Variants in SLC8A1 observed in about 807,000 individuals in gnomAD.
SLC8A1 encodes sodium/calcium exchanger 1.
Under a neutral mutation model 68.3 loss-of-function variants are expected in SLC8A1, and 18 were observed. The observed-to-expected ratio is 0.26, with a 90% CI of 0.18 to 0.39. The LOEUF is 0.39. Among genes scored for constraint, SLC8A1 ranks in the 10% least tolerant of loss-of-function variants. The probability of loss-of-function intolerance (pLI) is 1.00; values close to 1 mark genes in which losing one functional copy is unlikely to be tolerated. For synonymous variants in SLC8A1, 475 were observed against 415.5 expected (o/e 1.14, Z -1.74); for missense variants, 985 against 1,156.7 (o/e 0.85, Z 2.15).
At position 40,157,363 on chromosome 2, in the gene SLC8A1, C is replaced by T. The variant is rs1164836594; in HGVS notation, c.2161+3402G>A. ...AACTGAGATCTTGAGGTGTAGTAAT[C>T]TTCCTGGAGTCATCCAGGGAGGTTT... On this transcript the variant is annotated intron_variant, in intron 6 of 7. Coordinates refer to ENST00000406785, the Ensembl canonical transcript of SLC8A1. Among the ~76,000 whole-genome samples, 4 of 152,070 alleles carry T rather than the reference C, an allele frequency of 2.6e-5. No individual in the cohort carries two copies. The East Asian group carries it at 7.7e-4, about 29-fold the overall frequency.
intron 1 of SLC8A1, among the ~76,000 whole-genome samples, chr2:40,449,937 C>T (rs1027098010): frequency 6.6e-6 from 1 of 152,150 alleles, no homozygotes; most frequent in Non-Finnish European, 1.5e-5. Context: ...AAAATCAGGG[C>T]TTCTTTTATA....
intron 6 of SLC8A1, among the ~76,000 whole-genome samples, chr2:40,142,792 C>T (rs900351636): frequency 1.3e-5 from 2 of 152,092 alleles, no homozygotes; most frequent in African/African-American, 4.8e-5. Flanking sequence ...ATCATTATTT[C>T]CCTCCATTTA....
chr2:40,306,682 T>A (rs973505594), intron 2 of SLC8A1, among the ~76,000 whole-genome samples: 1 of 152,162 alleles, frequency 6.6e-6, no homozygotes, highest in African/African-American at 2.4e-5. Flanking sequence ...GCAAATCTTT[T>A]CGTTTGGAAC....
At chr2:40,501,007 G>A (rs1453736086) in intron 1 of SLC8A1, among the ~76,000 whole-genome samples, 4 of 151,554 alleles carry the variant, frequency 2.6e-5, no homozygotes, top group East Asian at 1.9e-4. Context: ...TGTAATGTTC[G>A]AAAAACTCTC....
intron 1 of SLC8A1, among the ~76,000 whole-genome samples, chr2:40,468,077 C>A (rs1223427597): frequency 6.6e-6 from 1 of 151,996 alleles, no homozygotes; most frequent in Non-Finnish European, 1.5e-5. Flanking sequence ...TGTGTTTAAT[C>A]TTTTGGTTTC....
intron 2 of SLC8A1, among the ~76,000 whole-genome samples, chr2:40,403,054 G>A (rs1223678025): frequency 3.9e-5 from 6 of 152,104 alleles, no homozygotes; most frequent in Non-Finnish European, 7.3e-5. Context: ...AAATGTATAA[G>A]ATGTAGGCTA....
chr2:40,431,735 C>T (rs1698353767), intron 1 of SLC8A1, among the ~76,000 whole-genome samples: 1 of 152,146 alleles, frequency 6.6e-6, no homozygotes, highest in Non-Finnish European at 1.5e-5. Context: ...AACTGGATTA[C>T]AGGCTTTCAT....
At chr2:40,499,229 G>C (rs1705899401) in intron 1 of SLC8A1, among the ~76,000 whole-genome samples, 1 of 152,038 alleles carries the variant, frequency 6.6e-6, no homozygotes, top group African/African-American at 2.4e-5. Context: ...GCTCACAGTG[G>C]AGTAGAGGAT....
chr2:40,312,366 C>T (rs549202806), intron 2 of SLC8A1, among the ~76,000 whole-genome samples: 2 of 152,188 alleles, frequency 1.3e-5, no homozygotes, highest in South Asian at 4.1e-4. Flanking sequence ...CTATTTTCAT[C>T]ATAGGTTATA....
intron 7 of SLC8A1, chr2:40,116,776 G>A (rs1450318574): frequency 6.6e-6 from 1 of 152,180 alleles, no homozygotes; most frequent in African/African-American, 2.4e-5. Context: ...CATTTTCAAA[G>A]CCCTTTATTT....
chr2:40,263,546 C>T (rs987688175), intron 2 of SLC8A1, among the ~76,000 whole-genome samples: 7 of 151,948 alleles, frequency 4.6e-5, no homozygotes, highest in African/African-American at 1.7e-4. Flanking sequence ...AGAAATAATG[C>T]CACAGATCTA....
intron 2 of SLC8A1, among the ~76,000 whole-genome samples, chr2:40,214,745 T>G (rs1245071162): frequency 6.6e-6 from 1 of 152,054 alleles, no homozygotes; most frequent in Non-Finnish European, 1.5e-5. Context: ...GCCTGTTTGT[T>G]TGTATATTAT....
At chr2:40,344,417 C>T (rs1668629175) in intron 2 of SLC8A1, among the ~76,000 whole-genome samples, 1 of 152,136 alleles carries the variant, frequency 6.6e-6, no homozygotes, top group South Asian at 2.1e-4. Flanking sequence ...CCAACCCACT[C>T]ACTGTCCGTA....
At chr2:40,155,198 C>G (rs2044243832) in intron 6 of SLC8A1, among the ~76,000 whole-genome samples, 1 of 152,012 alleles carries the variant, frequency 6.6e-6, no homozygotes, top group Non-Finnish European at 1.5e-5. Context: ...GGTAAGATCT[C>G]TGCTCACTGC....
chr2:40,437,171 A>G (rs1306645111), intron 1 of SLC8A1, among the ~76,000 whole-genome samples: 3 of 152,198 alleles, frequency 2.0e-5, no homozygotes, highest in East Asian at 3.9e-4. Context: ...ATTTTGCATT[A>G]AACTATAACG....
At chr2:40,185,354 G>GA (rs2050511113) in intron 2 of SLC8A1, among the ~76,000 whole-genome samples, 1 of 152,178 alleles carries the variant, frequency 6.6e-6, no homozygotes, top group Non-Finnish European at 1.5e-5. Flanking sequence ...TTCATCGGCT[G>GA]ATAAATGGAT....
At chr2:40,443,683 G>C (rs1165545904) in intron 1 of SLC8A1, among the ~76,000 whole-genome samples, 1 of 152,182 alleles carries the variant, frequency 6.6e-6, no homozygotes, top group Admixed American at 6.5e-5. Flanking sequence ...CACTGGTCTA[G>C]GGACTAAAAG....
chr2:40,335,210 TTTTC>T (rs1665568972), intron 2 of SLC8A1, among the ~76,000 whole-genome samples: 1 of 152,232 alleles, frequency 6.6e-6, no homozygotes. Context: ...ACTGGCTTTC[TTTTC>T]TATCATTTTA....
In SLC8A1 at chr2:40,291,903, CTT is replaced by C. The variant is rs75778511; in HGVS notation, c.1809-114050_1809-114049del. Among the ~76,000 whole-genome samples, 432 of 138,088 alleles carry C rather than the reference CTT, an allele frequency of 3.1e-3. 2 individuals are homozygous for C. The highest frequency in any genetic ancestry group is 8.9e-3 in the African/African-American group (343 of 38,368). 90.6% of individuals were successfully genotyped at this position (138,088 alleles called of 152,430 possible). The stretch of plus-strand genomic sequence containing the variant: ...CTGAGTGCTGGACAAGACATCTTTA[CTT>C]TTTTTTTTTTTTTTTAACACCACGA... On this transcript the variant is annotated intron_variant, in intron 2 of 7. Coordinates refer to ENST00000406785, the Ensembl canonical transcript of SLC8A1.
Sources: allele counts gnomAD v4.1 joint callset (sites outside exome capture counted in the v4.1 genomes callset), GRCh38; gene constraint gnomAD v4.1.1; transcripts MANE v1.5; gene names NCBI Gene and HGNC (gene_info 2026-07-23, HGNC 2026-07-21).